NFASC: variants seen among roughly 807,000 people sequenced by gnomAD.
NFASC encodes the protein neurofascin homolog.
Under a neutral mutation model 147.5 loss-of-function variants are expected in NFASC, and 43 were observed. The observed-to-expected ratio is 0.29, with a 90% CI of 0.23 to 0.38. NFASC has a LOEUF of 0.38. NFASC is among the 10% of genes least tolerant of loss of function. The pLI, the probability that NFASC is intolerant of heterozygous loss-of-function variation, is 1.00. For synonymous variants in NFASC, 622 were observed against 665.5 expected (o/e 0.93, Z 1.01); for missense variants, 1,320 against 1,689.0 (o/e 0.78, Z 3.83).
chr1:204,878,133 G>A (rs1553394302), intron 1 of NFASC, among the ~76,000 whole-genome samples: 1 of 152,084 alleles, frequency 6.6e-6, no homozygotes, highest in African/African-American at 2.4e-5. Flanking sequence ...TTTCCTCAAG[G>A]AAAAAAGACT....
Position 205,017,587 on chromosome 1 carries a change from G to C in NFASC, c.*1048G>C, listed in dbSNP as rs563079374. The C allele has an allele frequency of 1.3e-5, 2 of 152,870 alleles. No individual in the cohort carries two copies. Among genetic ancestry groups the C allele is most frequent in the East Asian group, 3.9e-4 (2 of 5,186 alleles). The allele number at this position is 152,870 out of a possible 1,614,324, so 9.5% of individuals were successfully genotyped here. ...ACCTGTCCACGTGGCCAGGGCCCATGCTGCCACCCTCGAGGAGATGGAACC... is the reference window on the plus strand; with the variant it reads ...ACCTGTCCACGTGGCCAGGGCCCATCCTGCCACCCTCGAGGAGATGGAACC... On this transcript the variant is annotated 3_prime_UTR_variant, in exon 30 of 30. Transcript: ENST00000339876.
At chr1:204,978,746 A>G (rs1470235530) in intron 17 of NFASC, among the ~76,000 whole-genome samples, 2 of 149,422 alleles carry the variant, frequency 1.3e-5, no homozygotes, top group Non-Finnish European at 3.0e-5. Flanking sequence ...ACCCATTGAT[A>G]TTCTTTGTGG....
At chr1:204,949,442 T>A (rs1221649669) in intron 3 of NFASC, among the ~76,000 whole-genome samples, 1 of 152,186 alleles carries the variant, frequency 6.6e-6, no homozygotes, top group Non-Finnish European at 1.5e-5. Context: ...GAGCCCTCAC[T>A]CTGAAAAAGT....
chr1:205,013,390 G>A (rs1247228540), intron 29 of NFASC, among the ~76,000 whole-genome samples: 1 of 152,148 alleles, frequency 6.6e-6, no homozygotes, highest in East Asian at 1.9e-4. Context: ...ATATCTTTGG[G>A]CTCTAGACTG....
chr1:204,866,728 T>C (rs1304664488), intron 1 of NFASC, among the ~76,000 whole-genome samples: 1 of 152,224 alleles, frequency 6.6e-6, no homozygotes, highest in East Asian at 1.9e-4. Context: ...GCAAAGGACA[T>C]AATATGAACT....
At chr1:205,012,739 G>A in intron 28 of NFASC, 58 bp from the exon 29 acceptor site, 1 of 1,271,544 alleles carries the variant, frequency 7.9e-7, no homozygotes, top group South Asian at 1.2e-5. Flanking sequence ...GAGCCCTAGA[G>A]AGCAGGGGCA....
intron 10 of NFASC, 103 bp from the exon 11 acceptor site, chr1:204,970,513 C>A: frequency 1.5e-6 from 2 of 1,371,100 alleles, no homozygotes; most frequent in Non-Finnish European, 2.0e-6. Flanking sequence ...GCACGTGGTG[C>A]TGGGACTCAG....
chr1:204,955,584 A>G (rs1053182049), intron 7 of NFASC, among the ~76,000 whole-genome samples: 2 of 152,136 alleles, frequency 1.3e-5, no homozygotes, highest in Admixed American at 6.5e-5. Flanking sequence ...TTCTGGCTCA[A>G]TTTTGAACTG....
intron 1 of NFASC, among the ~76,000 whole-genome samples, chr1:204,830,860 CTT>C (rs945208083): frequency 6.6e-6 from 1 of 152,198 alleles, no homozygotes; most frequent in Non-Finnish European, 1.5e-5. Context: ...AAGGCTTTCA[CTT>C]TAGGAATCCA....
In NFASC at chr1:204,986,364, G is replaced by T. The variant is rs556434488; in HGVS notation, c.2471-1054G>T. ...AGGTCTGCTGACATAATTCCAGACG[G>T]GTTATGCAGACTGATCCCCGAGGGC... is the stretch of plus-strand genomic sequence containing the variant. On this transcript the variant is annotated intron_variant, in intron 21 of 29. Transcript: ENST00000339876. The surrounding 1 kb of genome is among the most constrained non-coding windows in gnomAD (Gnocchi z 4.2). Among the ~76,000 whole-genome samples the T allele has an allele frequency of 6.6e-5, 10 of 152,334 alleles. No individual in the cohort carries two copies. Among genetic ancestry groups the T allele is most frequent in the African/African-American group, 2.4e-4 (10 of 41,576 alleles).
intron 1 of NFASC, among the ~76,000 whole-genome samples, chr1:204,895,736 C>T (rs1017927240): frequency 2.0e-5 from 3 of 152,052 alleles, no homozygotes; most frequent in East Asian, 1.9e-4. Context: ...ATTTGAATAC[C>T]ACATTGTTAC....
At chr1:204,882,413 C>T (rs1246098295) in intron 1 of NFASC, among the ~76,000 whole-genome samples, 9 of 151,912 alleles carry the variant, frequency 5.9e-5, no homozygotes, top group Non-Finnish European at 1.2e-4. Context: ...TTTCTTCCCT[C>T]TGCCTTAAGC....
At chr1:204,871,016 G>A (rs1252560539) in intron 1 of NFASC, 1 of 1,289,778 alleles carries the variant, frequency 7.8e-7, no homozygotes, top group South Asian at 1.2e-5. Flanking sequence ...TGTCCCCATG[G>A]AGGGAGACTG....
intron 11 of NFASC, among the ~76,000 whole-genome samples, chr1:204,972,240 T>C (rs1405994031): frequency 6.6e-6 from 1 of 152,236 alleles, no homozygotes; most frequent in East Asian, 1.9e-4. Flanking sequence ...TCATCTTGAA[T>C]GCGTTCATGT....
intron 8 of NFASC, among the ~76,000 whole-genome samples, chr1:204,958,307 A>T (rs1036315755): frequency 6.6e-6 from 1 of 152,234 alleles, no homozygotes; most frequent in African/African-American, 2.4e-5. Flanking sequence ...AAAATATGAA[A>T]ATTAGTGGAG....
chr1:204,866,291 G>A (rs2077101491), intron 1 of NFASC, among the ~76,000 whole-genome samples: 1 of 152,202 alleles, frequency 6.6e-6, no homozygotes, highest in Non-Finnish European at 1.5e-5. Context: ...CGTAGTGGGG[G>A]CAGAGAGGAT....
At chr1:204,873,215 C>G (rs532408503) in intron 1 of NFASC, among the ~76,000 whole-genome samples, 4 of 152,284 alleles carry the variant, frequency 2.6e-5, no homozygotes, top group African/African-American at 9.6e-5. Flanking sequence ...GCAGGCTGGA[C>G]TCTGGATTAA....
At chr1:204,893,070 G>A (rs537961360) in intron 1 of NFASC, among the ~76,000 whole-genome samples, 5 of 152,210 alleles carry the variant, frequency 3.3e-5, no homozygotes, top group Admixed American at 6.5e-5. Context: ...AGAATGTAAG[G>A]GATAGAGTAA....
intron 1 of NFASC, among the ~76,000 whole-genome samples, chr1:204,893,651 T>G (rs1013205232): frequency 2.6e-4 from 39 of 152,246 alleles, no homozygotes; most frequent in African/African-American, 9.4e-4. Flanking sequence ...AGACGCACAA[T>G]TAATGTTTGT....
Sources: allele counts gnomAD v4.1 joint callset (sites outside exome capture counted in the v4.1 genomes callset), GRCh38; gene constraint gnomAD v4.1.1; non-coding constraint Gnocchi (gnomAD v3.1); transcripts MANE v1.5; gene names NCBI Gene and HGNC (gene_info 2026-07-23, HGNC 2026-07-21).